The following HS6ST3 variants were observed in gnomAD, a reference collection of about 807,000 sequenced individuals.
HS6ST3 encodes the protein heparan sulfate 6-O-sulfotransferase 3, also known as heparan-sulfate 6-O-sulfotransferase 3.
HS6ST3 carries 12 observed loss-of-function variants against 36.7 expected under a neutral mutation model. That is an observed-to-expected ratio of 0.33 (90% CI 0.21 to 0.53). HS6ST3 has a LOEUF of 0.53. Ranked by LOEUF, HS6ST3 falls within the 20% of genes least tolerant of loss-of-function variation. HS6ST3 has a pLI of 0.95. For missense variants in HS6ST3, 584 were observed against 640.9 expected (o/e 0.91, Z 0.96); for synonymous variants, 240 against 257.5 (o/e 0.93, Z 0.65).
intron 1 of HS6ST3, among the ~76,000 whole-genome samples, chr13:96,456,537 T>A (rs1328608250): frequency 6.6e-6 from 1 of 152,182 alleles, no homozygotes; most frequent in Non-Finnish European, 1.5e-5. Context: ...TCTGCTAATA[T>A]CTATCATGTA....
chr13:96,829,846 A>C (rs7332250), intron 1 of HS6ST3, among the ~76,000 whole-genome samples: 79,954 of 151,934 alleles, frequency 0.53, 21,433 homozygotes, highest in African/African-American at 0.62. Context: ...ATTTATATTC[A>C]TTTGGCTTTA....
intron 1 of HS6ST3, among the ~76,000 whole-genome samples, chr13:96,128,129 G>A (rs78025032): frequency 0.02 from 3,055 of 152,300 alleles, 88 homozygotes; most frequent in African/African-American, 0.068. Context: ...TAGAAAGCCA[G>A]TGTTTTGTTA....
At chr13:96,376,377 C>T (rs1228051956) in intron 1 of HS6ST3, among the ~76,000 whole-genome samples, 1 of 152,136 alleles carries the variant, frequency 6.6e-6, no homozygotes, top group Non-Finnish European at 1.5e-5. Flanking sequence ...GCTTGGGAGC[C>T]ATTGTACTGT....
intron 1 of HS6ST3, among the ~76,000 whole-genome samples, chr13:96,741,517 C>A (rs541069602): frequency 9.2e-5 from 14 of 152,252 alleles, no homozygotes; most frequent in African/African-American, 3.4e-4. Flanking sequence ...CAGCTACCTA[C>A]TCCAATGTGG....
intron 1 of HS6ST3, among the ~76,000 whole-genome samples, chr13:96,112,672 G>A (rs2053876345): frequency 7.1e-6 from 1 of 140,740 alleles, no homozygotes; most frequent in East Asian, 2.1e-4. Context: ...GGAGGCTGAG[G>A]CAGAAGGATC....
intron 1 of HS6ST3, among the ~76,000 whole-genome samples, chr13:96,489,740 G>A (rs2055935457): frequency 1.3e-5 from 2 of 152,020 alleles, no homozygotes; most frequent in South Asian, 4.1e-4. Flanking sequence ...TTATTAAGTT[G>A]TTTAAATCAT....
At chr13:96,608,928 GTAGATAGA>G (rs550415773) in intron 1 of HS6ST3, among the ~76,000 whole-genome samples, 39 of 151,878 alleles carry the variant, frequency 2.6e-4, no homozygotes, top group African/African-American at 8.9e-4. Context: ...GTGTGTATGT[GTAGATAGA>G]TAGATAGATA....
At chr13:96,385,811 C>T (rs1210080071) in intron 1 of HS6ST3, among the ~76,000 whole-genome samples, 1 of 152,094 alleles carries the variant, frequency 6.6e-6, no homozygotes, top group Non-Finnish European at 1.5e-5. Context: ...CATGAATTAT[C>T]TTATTTCATT....
chr13:96,692,269 C>G (rs1407655120), intron 1 of HS6ST3, among the ~76,000 whole-genome samples: 1 of 152,010 alleles, frequency 6.6e-6, no homozygotes, highest in Admixed American at 6.6e-5. Context: ...TGCCCAAGTC[C>G]CTAATACACA....
intron 1 of HS6ST3, among the ~76,000 whole-genome samples, chr13:96,301,217 G>A (rs1013360724): frequency 2.0e-5 from 3 of 152,112 alleles, no homozygotes; most frequent in Admixed American, 6.5e-5. Context: ...CCTATATACA[G>A]TTAAACAAAA....
intron 1 of HS6ST3, among the ~76,000 whole-genome samples, chr13:96,430,829 T>C (rs2055611542): frequency 6.6e-6 from 1 of 152,208 alleles, no homozygotes; most frequent in East Asian, 1.9e-4. Context: ...CTTTTGCCAG[T>C]GTCCTCCTAT....
At chr13:96,564,437 T>A (rs939540321) in intron 1 of HS6ST3, among the ~76,000 whole-genome samples, 2 of 152,212 alleles carry the variant, frequency 1.3e-5, no homozygotes, top group African/African-American at 4.8e-5. Flanking sequence ...GGTGCTTTGC[T>A]TTAGCACCTT....
chr13:96,275,593 A>G (rs1200378503), intron 1 of HS6ST3, among the ~76,000 whole-genome samples: 1 of 152,196 alleles, frequency 6.6e-6, no homozygotes, highest in Non-Finnish European at 1.5e-5. Flanking sequence ...TACTTTCTCC[A>G]GTTACCTACA....
intron 1 of HS6ST3, among the ~76,000 whole-genome samples, chr13:96,118,867 C>T (rs1320518301): frequency 6.1e-5 from 9 of 147,232 alleles, no homozygotes; most frequent in South Asian, 2.2e-4. Context: ...CCCGCCACCG[C>T]GCCCGGCTAA....
At chr13:96,701,214 G>T (rs573249141) in intron 1 of HS6ST3, among the ~76,000 whole-genome samples, 1 of 152,248 alleles carries the variant, frequency 6.6e-6, no homozygotes, top group African/African-American at 2.4e-5. Flanking sequence ...CTATCATGAC[G>T]ACTGGTGCAG....
chr13:96,718,072 G>A (rs766706907), intron 1 of HS6ST3, among the ~76,000 whole-genome samples: 9 of 152,084 alleles, frequency 5.9e-5, no homozygotes, highest in African/African-American at 2.2e-4. Context: ...GCCTTCCACA[G>A]CCAATGGATC....
At chr13:96,407,238 A>C (rs142227246) in intron 1 of HS6ST3, among the ~76,000 whole-genome samples, 1 of 152,344 alleles carries the variant, frequency 6.6e-6, no homozygotes, top group African/African-American at 2.4e-5. Context: ...TTGATCTTAT[A>C]ATATATAAGC....
At chr13:96,692,217 G>C (rs950543991) in intron 1 of HS6ST3, among the ~76,000 whole-genome samples, 2 of 151,968 alleles carry the variant, frequency 1.3e-5, no homozygotes, top group Non-Finnish European at 2.9e-5. Flanking sequence ...TATCTATGAG[G>C]GATTGGTTTC....
At chr13:96,597,881 T>A (rs2056407675) in intron 1 of HS6ST3, among the ~76,000 whole-genome samples, 1 of 152,158 alleles carries the variant, frequency 6.6e-6, no homozygotes, top group Non-Finnish European at 1.5e-5. Flanking sequence ...AGTTTTATCC[T>A]TTGGCACATG....
Sources: gnomAD v4.1 joint callset for allele counts (sites outside exome capture counted in the v4.1 genomes callset) on GRCh38, gnomAD v4.1.1 for gene constraint, MANE v1.5 for transcripts, NCBI Gene and HGNC (gene_info 2026-07-23, HGNC 2026-07-21) for gene names.